IQCK: variants seen among roughly 807,000 people sequenced by gnomAD.
The protein encoded by IQCK is IQ motif containing K.
In IQCK, 29 loss-of-function variants were observed where a neutral mutation model predicts 28.1. That is an observed-to-expected ratio of 1.03 (90% CI 0.77 to 1.41). The LOEUF (loss-of-function observed/expected upper bound fraction) is 1.41. Among genes scored for constraint, IQCK ranks in the 40% most tolerant of loss-of-function variants. The pLI is 0.00. For synonymous variants in IQCK, 113 were observed against 115.1 expected, an observed-to-expected ratio of 0.98 and a Z score of 0.12; for missense variants, 359 against 314.7, an observed-to-expected ratio of 1.14 and a Z score of -1.07.
chr16:19,811,826 C>T (rs2055909184), intron 7 of IQCK, among the ~76,000 whole-genome samples: 1 of 152,102 alleles, frequency 6.6e-6, no homozygotes, highest in African/African-American at 2.4e-5. Flanking sequence ...CTTTTCAGAT[C>T]ATTAGAATCA....
chr16:19,782,378 T>G (rs1427015496), intron 6 of IQCK, among the ~76,000 whole-genome samples: 1 of 151,222 alleles, frequency 6.6e-6, no homozygotes, highest in Admixed American at 6.6e-5. Flanking sequence ...AGAGTGAGAC[T>G]CCATCTCAAA....
rs572716416 is a variant in IQCK, at chr16:19,736,932, G to A, written c.474+1482G>A. On this transcript the variant is annotated intron_variant, in intron 4 of 7. Transcript: ENST00000564186. ...GGAGGCCAAGGCAGAAGGATTGTCT[G>A]AGCCCAGGAGTTCGAGACCAGCCTG... is the stretch of plus-strand genomic sequence containing the variant. Among the ~76,000 whole-genome samples the A allele has an allele frequency of 7.5e-4, 112 of 150,294 alleles. 1 individual carries two copies. Among genetic ancestry groups the A allele is most frequent in the African/African-American group, 2.6e-3 (107 of 40,602 alleles).
At chr16:19,756,179 A>G (rs1300439513) in intron 4 of IQCK, among the ~76,000 whole-genome samples, 5 of 152,124 alleles carry the variant, frequency 3.3e-5, no homozygotes, top group Non-Finnish European at 5.9e-5. Flanking sequence ...GTCTCAATCA[A>G]TCAATCAATC....
At chr16:19,752,371 A>T (rs2054998021) in intron 4 of IQCK, among the ~76,000 whole-genome samples, 2 of 152,166 alleles carry the variant, frequency 1.3e-5, no homozygotes, top group Non-Finnish European at 2.9e-5. Context: ...ATTTTTTGAT[A>T]AAAGGCTTAT....
At chr16:19,766,420 C>T (rs1283883615) in intron 6 of IQCK, among the ~76,000 whole-genome samples, 2 of 152,188 alleles carry the variant, frequency 1.3e-5, no homozygotes, top group African/African-American at 2.4e-5. Flanking sequence ...GCTGGGGCAG[C>T]GGCCAAGCTG....
At chr16:19,799,954 C>T (rs528247539) in intron 7 of IQCK, among the ~76,000 whole-genome samples, 1 of 3,770 alleles carries the variant, frequency 2.7e-4, no homozygotes, top group Admixed American at 2.3e-3. Flanking sequence ...CACACCTGTC[C>T]GATTTTTCTC....
intron 4 of IQCK, among the ~76,000 whole-genome samples, chr16:19,760,498 G>A (rs2055121960): frequency 6.6e-6 from 1 of 152,144 alleles, no homozygotes; most frequent in African/African-American, 2.4e-5. Flanking sequence ...GAGCGGCTGG[G>A]CTTAATTCAT....
chr16:19,728,763 A>G (rs914204637), intron 1 of IQCK, among the ~76,000 whole-genome samples: 1 of 152,326 alleles, frequency 6.6e-6, no homozygotes, highest in Non-Finnish European at 1.5e-5. Flanking sequence ...TTTGTTACAC[A>G]ATAATAGAAA....
At chr16:19,819,802 A>G (rs2056041311) in intron 7 of IQCK, among the ~76,000 whole-genome samples, 1 of 152,110 alleles carries the variant, frequency 6.6e-6, no homozygotes, top group Non-Finnish European at 1.5e-5. Context: ...TCACGAGGTC[A>G]GGAAATCTAG....
At chr16:19,725,821 A>G (rs891547068) in intron 1 of IQCK, among the ~76,000 whole-genome samples, 3 of 152,238 alleles carry the variant, frequency 2.0e-5, no homozygotes, top group Non-Finnish European at 2.9e-5. Flanking sequence ...ATACTTCTAC[A>G]TAATCATTTC....
At chr16:19,748,344 G>T (rs905295094) in intron 4 of IQCK, among the ~76,000 whole-genome samples, 1 of 152,072 alleles carries the variant, frequency 6.6e-6, no homozygotes, top group African/African-American at 2.4e-5. Flanking sequence ...CAAAGTGCTG[G>T]AATTACAGGC....
chr16:19,753,392 C>T (rs1389284340), intron 4 of IQCK, among the ~76,000 whole-genome samples: 1 of 152,090 alleles, frequency 6.6e-6, no homozygotes, highest in Non-Finnish European at 1.5e-5. Context: ...TGCCATTACA[C>T]TCCAGCCTAG....
chr16:19,784,213 A>AT lies in IQCK; in HGVS notation c.606-4615dup, dbSNP rs796388121. On this transcript the variant is annotated intron_variant, in intron 6 of 7. Coordinates refer to ENST00000564186, the Ensembl canonical transcript of IQCK. ...ATGATTCTGCACCCTCCCTGCCCCC[A>AT]TTTTTTTTTTCTTCGAAGCAAATGA... Among the ~76,000 whole-genome samples the AT allele has an allele frequency of 3.9e-3, 583 of 147,654 alleles. 3 individuals carry two copies. The highest frequency in any genetic ancestry group is 0.013 in the African/African-American group (532 of 40,288).
At chr16:19,772,737 C>CA (rs2055336165) in intron 6 of IQCK, among the ~76,000 whole-genome samples, 2 of 152,080 alleles carry the variant, frequency 1.3e-5, no homozygotes, top group South Asian at 4.1e-4. Context: ...GGGCTAGATG[C>CA]AGTGGCTCAT....
chr16:19,853,927 C>G (rs1010652756), intron 9 of IQCK, among the ~76,000 whole-genome samples: 1 of 152,262 alleles, frequency 6.6e-6, no homozygotes, highest in Non-Finnish European at 1.5e-5. Flanking sequence ...TGTGCCCAGC[C>G]TGTCTGCCAA....
chr16:19,850,426 T>C (rs2056468374), intron 9 of IQCK, among the ~76,000 whole-genome samples: 1 of 152,172 alleles, frequency 6.6e-6, no homozygotes, highest in Non-Finnish European at 1.5e-5. Context: ...CATAGAAGTG[T>C]TTGCTTTTAT....
At chr16:19,764,166 A>G in intron 6 of IQCK, 54 bp downstream of exon 6, 2 of 1,410,114 alleles carry the variant, frequency 1.4e-6, no homozygotes, top group South Asian at 1.2e-5. Flanking sequence ...GATTGTGTTA[A>G]TAATACTTTT....
At chr16:19,745,918 C>T (rs981424676) in intron 4 of IQCK, among the ~76,000 whole-genome samples, 12 of 152,286 alleles carry the variant, frequency 7.9e-5, no homozygotes, top group Non-Finnish European at 1.3e-4. Context: ...TCCTTTACAG[C>T]GTGGTGGTCT....
intron 4 of IQCK, 121 bp downstream of exon 4, chr16:19,735,571 G>A: frequency 1.3e-6 from 1 of 797,868 alleles, no homozygotes; most frequent in East Asian, 2.7e-5. Context: ...GGGAGGGAAA[G>A]CCTGTGTTTG....
Sources: allele counts gnomAD v4.1 joint callset (sites outside exome capture counted in the v4.1 genomes callset), GRCh38; gene constraint gnomAD v4.1.1; transcripts MANE v1.5; gene names NCBI Gene and HGNC (gene_info 2026-07-23, HGNC 2026-07-21).